Variants in NRG1 observed in about 807,000 individuals in gnomAD.
The protein encoded by NRG1 is neuregulin 1, also known as pro-neuregulin-1, membrane-bound isoform.
A neutral mutation model predicts 63.8 loss-of-function variants in NRG1; 18 were observed. That is an observed-to-expected ratio of 0.28 (90% CI 0.19 to 0.42). The LOEUF is 0.42. NRG1 is among the 10% of genes least tolerant of loss of function. The pLI, the probability that NRG1 is intolerant of heterozygous loss-of-function variation, is 1.00. For missense variants in NRG1, 762 were observed against 814.7 expected (o/e 0.94, Z 0.79); for synonymous variants, 302 against 301.3 (o/e 1.00, Z -0.02).
intron 2 of NRG1, among the ~76,000 whole-genome samples, chr8:32,596,391 G>A (rs1477670186): frequency 6.6e-6 from 1 of 152,056 alleles, no homozygotes; most frequent in African/African-American, 2.4e-5. Context: ...ATCACCTGAA[G>A]TCAGGAGTTC....
intron 1 of NRG1, among the ~76,000 whole-genome samples, chr8:32,042,961 AGTGTGTGT>A (rs111850977): frequency 2.1e-5 from 3 of 139,900 alleles, no homozygotes; most frequent in Admixed American, 1.4e-4. Flanking sequence ...GAAAGAGTGC[AGTGTGTGT>A]GTGTGTGTGT....
chr8:32,240,821 C>G (rs1848026306), intron 1 of NRG1, among the ~76,000 whole-genome samples: 1 of 152,020 alleles, frequency 6.6e-6, no homozygotes, highest in South Asian at 2.1e-4. Flanking sequence ...TTTAGAGACT[C>G]TTTCAGATTT....
intron 1 of NRG1, among the ~76,000 whole-genome samples, chr8:32,174,738 T>C (rs1232020719): frequency 1.3e-5 from 2 of 152,008 alleles, no homozygotes; most frequent in African/African-American, 4.8e-5. Flanking sequence ...CTAGAAGAAA[T>C]GGATACATTC....
intron 1 of NRG1, chr8:32,026,283 A>C (rs1366394502): frequency 6.6e-6 from 1 of 152,008 alleles, no homozygotes; most frequent in Admixed American, 6.5e-5. Context: ...AAATGGATTC[A>C]GTGCTCACAA....
At chr8:32,631,942 T>C (rs969887192) in intron 5 of NRG1, among the ~76,000 whole-genome samples, 2 of 152,160 alleles carry the variant, frequency 1.3e-5, no homozygotes, top group African/African-American at 4.8e-5. Context: ...TTTAACATAA[T>C]ATCTAATGCT....
intron 6 of NRG1, among the ~76,000 whole-genome samples, chr8:32,738,059 C>T (rs900085020): frequency 1.3e-5 from 2 of 151,924 alleles, no homozygotes; most frequent in African/African-American, 2.4e-5. Flanking sequence ...TTTGTGAGAG[C>T]CTATTATGAG....
chr8:32,317,511 G>A (rs1857539560), intron 1 of NRG1, among the ~76,000 whole-genome samples: 1 of 152,218 alleles, frequency 6.6e-6, no homozygotes, highest in African/African-American at 2.4e-5. Context: ...CACCCTGAGA[G>A]CTGTAATCTT....
At chr8:32,707,316 TAAG>T (rs1183520019) in intron 5 of NRG1, among the ~76,000 whole-genome samples, 1 of 152,062 alleles carries the variant, frequency 6.6e-6, no homozygotes, top group Non-Finnish European at 1.5e-5. Context: ...TGTCCTATGA[TAAG>T]AAGATTGTAC....
intron 1 of NRG1, among the ~76,000 whole-genome samples, chr8:32,319,870 A>G (rs890191901): frequency 1.3e-5 from 2 of 152,154 alleles, no homozygotes; most frequent in Admixed American, 1.3e-4. Context: ...TAATATGCAC[A>G]CTAATATAAA....
chr8:32,291,967 A>G (rs1294586433), intron 1 of NRG1, among the ~76,000 whole-genome samples: 2 of 152,234 alleles, frequency 1.3e-5, no homozygotes, highest in African/African-American at 4.8e-5. Context: ...ACCTTCTCAG[A>G]GAAAGGCCTC....
At chr8:31,733,609 A>G (rs1814341684) in intron 1 of NRG1, among the ~76,000 whole-genome samples, 2 of 151,964 alleles carry the variant, frequency 1.3e-5, no homozygotes, top group Admixed American at 6.6e-5. Context: ...GTTCTCTTTC[A>G]TCTCCCACCC....
At chr8:32,179,685 T>C (rs1841220173) in intron 1 of NRG1, among the ~76,000 whole-genome samples, 1 of 152,184 alleles carries the variant, frequency 6.6e-6, no homozygotes, top group African/African-American at 2.4e-5. Context: ...CTATCTTTAA[T>C]ATTCAGAAAG....
chr8:32,243,280 T>G (rs1321672883), intron 1 of NRG1, among the ~76,000 whole-genome samples: 1 of 152,010 alleles, frequency 6.6e-6, no homozygotes, highest in Non-Finnish European at 1.5e-5. Flanking sequence ...AAAAATTAGC[T>G]AGGTATGGTG....
intron 1 of NRG1, among the ~76,000 whole-genome samples, chr8:32,584,858 A>G (rs916763171): frequency 6.6e-6 from 1 of 152,234 alleles, no homozygotes. Flanking sequence ...CATAGTTATC[A>G]TTGTTTAAAA....
chr8:32,031,583 A>G lies in NRG1; in HGVS notation c.37+392152A>G, dbSNP rs552655194. Among the ~76,000 whole-genome samples the G allele has an allele frequency of 4.6e-5, 7 of 152,012 alleles. No individual in the cohort carries two copies. The South Asian group carries it at 1.3e-3, about 27-fold the overall frequency. ...CATTTATAACTAGGCAGCAACCCAC[A>G]TTAGTTATTTATCCTGATGATCTCC... On this transcript the variant is annotated intron_variant, in intron 1 of 10. Coordinates refer to the NRG1 transcript ENST00000519301.
intron 5 of NRG1, among the ~76,000 whole-genome samples, chr8:32,689,446 T>C (rs1811023155): frequency 2.0e-5 from 3 of 152,186 alleles, no homozygotes; most frequent in Non-Finnish European, 1.5e-5. Flanking sequence ...GGCAACTTAA[T>C]AAACGGCTGT....
At chr8:32,085,543 A>G (rs1828084700) in intron 1 of NRG1, among the ~76,000 whole-genome samples, 1 of 152,178 alleles carries the variant, frequency 6.6e-6, no homozygotes, top group South Asian at 2.1e-4. Context: ...TTTCTTTTAC[A>G]TTGTGATTTC....
chr8:31,962,619 A>G lies in NRG1; in HGVS notation c.37+323188A>G, dbSNP rs565905964. ...ATTTTCAAAAATTACTTTTGCTGTC[A>G]TTTAATGTCCAAATCCAATCCCTTG... On this transcript the variant is annotated intron_variant, in intron 1 of 10. Transcript: ENST00000519301. Among the ~76,000 whole-genome samples, 3 of 152,276 alleles carry G rather than the reference A, an allele frequency of 2.0e-5. No individual in the cohort carries two copies. The East Asian group carries it at 5.8e-4, about 29-fold the overall frequency.
At chr8:32,083,162 A>C (rs890423834) in intron 1 of NRG1, among the ~76,000 whole-genome samples, 17 of 149,460 alleles carry the variant, frequency 1.1e-4, no homozygotes, top group African/African-American at 4.1e-4. Flanking sequence ...GCTTAGTATC[A>C]TGTGTAATTT....
Sources: gnomAD v4.1 joint callset for allele counts (sites outside exome capture counted in the v4.1 genomes callset) on GRCh38, gnomAD v4.1.1 for gene constraint, MANE v1.5 for transcripts, NCBI Gene and HGNC (gene_info 2026-07-23, HGNC 2026-07-21) for gene names.